The following ILRUN variants were observed in gnomAD, a reference collection of about 807,000 sequenced individuals.
ILRUN encodes inflammation and lipid regulator with UBA-like and NBR1-like domains, also known as protein ILRUN.
ILRUN carries 3 observed loss-of-function variants against 33.8 expected under a neutral mutation model. The observed-to-expected ratio is 0.09, with a 90% confidence interval of 0.04 to 0.23. The LOEUF (loss-of-function observed/expected upper bound fraction) is 0.23, where lower values mean the gene tolerates loss of function less well. ILRUN is among the 10% of genes least tolerant of loss of function. ILRUN has a pLI of 1.00. For synonymous variants in ILRUN, 124 were observed against 138.9 expected (o/e 0.89, Z 0.75); for missense variants, 210 against 375.1 (o/e 0.56, Z 3.64).
chr6:34,601,095 G>A (rs577988322), intron 4 of ILRUN, among the ~76,000 whole-genome samples: 5 of 152,164 alleles, frequency 3.3e-5, no homozygotes, highest in African/African-American at 9.6e-5. Context: ...TTGTCTCTGC[G>A]GAATAAAAAC....
intron 1 of ILRUN, among the ~76,000 whole-genome samples, chr6:34,685,008 AGCAGTG>A: frequency 6.6e-6 from 1 of 152,250 alleles, no homozygotes; most frequent in Non-Finnish European, 1.5e-5. Context: ...AGACTGATCT[AGCAGTG>A]GTATGTCCAC....
intron 4 of ILRUN, among the ~76,000 whole-genome samples, chr6:34,597,551 A>G (rs888200185): frequency 1.3e-5 from 2 of 152,198 alleles, no homozygotes; most frequent in African/African-American, 4.8e-5. Context: ...TTTCCTTACA[A>G]GCCATCATCT....
intron 3 of ILRUN, among the ~76,000 whole-genome samples, chr6:34,631,119 T>C (rs1242741111): frequency 1.3e-5 from 2 of 152,208 alleles, no homozygotes; most frequent in African/African-American, 4.8e-5. Context: ...CTGCCAAAAC[T>C]GATTCTGATG....
chr6:34,616,472 G>T, intron 3 of ILRUN: 1 of 673,658 alleles, frequency 1.5e-6, no homozygotes, highest in Non-Finnish European at 2.6e-6. Context: ...CTTGAAAGTG[G>T]ACTGAAACAT....
At chr6:34,621,861 C>CA (rs35985719) in intron 3 of ILRUN, among the ~76,000 whole-genome samples, 64,525 of 148,322 alleles carry the variant, frequency 0.44, 14,818 homozygotes, top group African/African-American at 0.61. Context: ...GACTCCAGCT[C>CA]AAAAAAAAAA....
At chr6:34,648,166 T>C (rs1055873037) in intron 2 of ILRUN, among the ~76,000 whole-genome samples, 1 of 152,230 alleles carries the variant, frequency 6.6e-6, no homozygotes, top group Non-Finnish European at 1.5e-5. Flanking sequence ...TTTTTAACTG[T>C]AGACAGAAAC....
At chr6:34,670,621 C>T (rs183925003) in intron 1 of ILRUN, among the ~76,000 whole-genome samples, 1 of 151,672 alleles carries the variant, frequency 6.6e-6, no homozygotes, top group Admixed American at 6.6e-5. Context: ...AAGGCTGAGG[C>T]GGGCAGCTCA....
chr6:34,639,747 T>C (rs1177968248), intron 3 of ILRUN, among the ~76,000 whole-genome samples: 4 of 152,204 alleles, frequency 2.6e-5, no homozygotes, highest in Non-Finnish European at 5.9e-5. Context: ...GAACCCCATA[T>C]ACTAGTGACA....
intron 1 of ILRUN, among the ~76,000 whole-genome samples, chr6:34,692,710 T>C (rs912449783): frequency 6.6e-6 from 1 of 152,082 alleles, no homozygotes; most frequent in Non-Finnish European, 1.5e-5. Context: ...TAAGGCAAGA[T>C]TGAGCCCAAG....
At chr6:34,644,224 A>G (rs898893961) in intron 3 of ILRUN, among the ~76,000 whole-genome samples, 1 of 152,162 alleles carries the variant, frequency 6.6e-6, no homozygotes, top group African/African-American at 2.4e-5. Context: ...TTTTTCATCA[A>G]AGGGATTTTT....
chr6:34,687,698 C>CAAAA (rs35852723), intron 1 of ILRUN, among the ~76,000 whole-genome samples: 55 of 125,080 alleles, frequency 4.4e-4, no homozygotes, highest in African/African-American at 1.6e-3. Context: ...ACTCCATCTC[C>CAAAA]AAAAAAAAAA....
At chr6:34,632,474 G>A (rs1762268046) in intron 3 of ILRUN, among the ~76,000 whole-genome samples, 1 of 151,752 alleles carries the variant, frequency 6.6e-6, no homozygotes, top group Admixed American at 6.6e-5. Context: ...ATATTTGGAT[G>A]GCAGAACAAA....
intron 3 of ILRUN, among the ~76,000 whole-genome samples, chr6:34,639,320 A>AT (rs1450427788): frequency 2.0e-5 from 3 of 152,218 alleles, no homozygotes; most frequent in East Asian, 3.8e-4. Context: ...GGAAACCCCC[A>AT]TAAGTGCGAG....
chr6:34,652,788 G>A (rs935909000), intron 2 of ILRUN, among the ~76,000 whole-genome samples: 3 of 151,814 alleles, frequency 2.0e-5, no homozygotes, highest in African/African-American at 2.4e-5. Flanking sequence ...AAACACCTTC[G>A]ACCAGTCAAC....
chr6:34,587,522 A>G lies in ILRUN; in HGVS notation c.*3043T>C, dbSNP rs1178935614. On this transcript the variant is annotated 3_prime_UTR_variant, in exon 5 of 5. Transcript: ENST00000374023. ...AGGGTGGGGTGAGTAATCAGCTTGC[A>G]CTTCTGAGCCCTGGCAACCCTACCA... 6.6e-6 allele frequency: 1 copy of G among 152,490 alleles called. No homozygotes were observed. The highest frequency in any genetic ancestry group is 1.5e-5 in the Non-Finnish European group (1 of 68,014). 9.4% of individuals were successfully genotyped at this position (152,490 alleles called of 1,614,324 possible).
intron 1 of ILRUN, among the ~76,000 whole-genome samples, chr6:34,688,482 T>A (rs1763576099): frequency 6.8e-6 from 1 of 147,306 alleles, no homozygotes; most frequent in Admixed American, 6.8e-5. Context: ...AAATGAAAGA[T>A]GCCATGGCAA....
intron 3 of ILRUN, among the ~76,000 whole-genome samples, chr6:34,643,522 T>A (rs970518523): frequency 1.3e-5 from 2 of 152,124 alleles, no homozygotes; most frequent in Non-Finnish European, 2.9e-5. Context: ...GTCTTAAAAA[T>A]CTTTAATGGA....
rs1354760679 is a variant in ILRUN, at chr6:34,592,690, C to T, written c.862-2090G>A. On this transcript the variant is annotated intron_variant, in intron 4 of 4. Coordinates refer to ENST00000374023, the MANE Select transcript of ILRUN (RefSeq NM_024294.4). The surrounding 1 kb of genome is among the most constrained non-coding windows in gnomAD (Gnocchi z 4.0). Reference sequence around the variant, plus strand: ...CCATTACTTTTAATGGCAAAAAATGCAGTTAACTTTTACACCAACCTAATA... The same window carrying T: ...CCATTACTTTTAATGGCAAAAAATGTAGTTAACTTTTACACCAACCTAATA... Among the ~76,000 whole-genome samples, 1 of 152,036 alleles carries T rather than the reference C, an allele frequency of 6.6e-6. No individual in the cohort carries two copies. The highest frequency in any genetic ancestry group is 1.5e-5 in the Non-Finnish European group (1 of 68,030).
At chr6:34,675,375 T>A (rs560434608) in intron 1 of ILRUN, among the ~76,000 whole-genome samples, 2 of 152,198 alleles carry the variant, frequency 1.3e-5, no homozygotes, top group South Asian at 4.1e-4. Context: ...GCATTTCAAA[T>A]CATCAGGGAA....
Sources: allele counts gnomAD v4.1 joint callset (sites outside exome capture counted in the v4.1 genomes callset), GRCh38; gene constraint gnomAD v4.1.1; non-coding constraint Gnocchi (gnomAD v3.1); transcripts MANE v1.5; gene names NCBI Gene and HGNC (gene_info 2026-07-23, HGNC 2026-07-21).